KAZN: variants seen among roughly 807,000 people sequenced by gnomAD.
The protein encoded by KAZN is kazrin.
KAZN carries 40 observed loss-of-function variants against 87.4 expected under a neutral mutation model. The ratio of observed to expected loss-of-function variants is 0.46; its 90% CI spans 0.36 to 0.60. KAZN has a LOEUF of 0.60. KAZN is among the 20% of genes least tolerant of loss of function. The probability of loss-of-function intolerance (pLI) is 0.00; values close to 1 mark genes in which losing one functional copy is unlikely to be tolerated. For synonymous variants in KAZN, 466 were observed against 458.3 expected (o/e 1.02, Z -0.22); for missense variants, 898 against 1,073.9 (o/e 0.84, Z 2.29).
At chr1:14,404,415 G>A (rs1409250246) in intron 2 of KAZN, among the ~76,000 whole-genome samples, 1 of 152,076 alleles carries the variant, frequency 6.6e-6, no homozygotes. Flanking sequence ...ATTCCACTGC[G>A]GACTCTGTTG....
chr1:14,600,145 C>T (rs1191417753), intron 1 of KAZN, among the ~76,000 whole-genome samples: 1 of 151,940 alleles, frequency 6.6e-6, no homozygotes, highest in Non-Finnish European at 1.5e-5. Flanking sequence ...GAAACAGTAT[C>T]ACTGGTTATT....
chr1:14,700,632 C>T lies in KAZN; in HGVS notation c.226+101409C>T, dbSNP rs190579544. On this transcript the variant is annotated intron_variant, in intron 1 of 14. Coordinates refer to ENST00000376030, the MANE Select transcript of KAZN (RefSeq NM_201628.3). Reference sequence around the variant, plus strand: ...AGTGACAAATGTGTCCACACACCCACCTTCTGCTTGAAAATGTCAGTGGCA... The same window carrying T: ...AGTGACAAATGTGTCCACACACCCATCTTCTGCTTGAAAATGTCAGTGGCA... 5.3e-5 allele frequency among the ~76,000 whole-genome samples: 8 copies of T among 152,222 alleles called. No homozygotes were observed. In the East Asian group the frequency reaches 9.7e-4, roughly 18 times the overall value.
intron 1 of KAZN, among the ~76,000 whole-genome samples, chr1:14,875,025 G>A (rs1216533501): frequency 6.6e-6 from 1 of 152,052 alleles, no homozygotes; most frequent in Non-Finnish European, 1.5e-5. Context: ...ATGAGGAAAG[G>A]TCTCAGATAT....
chr1:14,680,641 T>G (rs998211041), intron 1 of KAZN, among the ~76,000 whole-genome samples: 13 of 151,912 alleles, frequency 8.6e-5, no homozygotes, highest in Admixed American at 8.5e-4. Flanking sequence ...GGCCCCGGTG[T>G]GTGATGTTCC....
intron 2 of KAZN, among the ~76,000 whole-genome samples, chr1:14,529,551 T>C (rs947651929): frequency 5.9e-5 from 9 of 152,164 alleles, no homozygotes; most frequent in African/African-American, 2.2e-4. Context: ...ACCAAGCATG[T>C]TGGATTCAGA....
intron 2 of KAZN, among the ~76,000 whole-genome samples, chr1:14,436,183 C>T (rs769394429): frequency 1.6e-4 from 25 of 151,710 alleles, no homozygotes; most frequent in Non-Finnish European, 2.4e-4. Flanking sequence ...GAGCCGAGAT[C>T]GCGCCATTGC....
intron 1 of KAZN, among the ~76,000 whole-genome samples, chr1:14,032,158 A>G (rs1641355956): frequency 6.6e-6 from 1 of 152,024 alleles, no homozygotes. Context: ...CTCCCTTCTG[A>G]TCTGTTTAAT....
intron 1 of KAZN, among the ~76,000 whole-genome samples, chr1:14,845,006 T>C (rs898462611): frequency 2.0e-5 from 3 of 150,538 alleles, no homozygotes; most frequent in South Asian, 2.1e-4. Flanking sequence ...AATAAATGAG[T>C]AGTGGATAGA....
chr1:14,598,924 T>G lies in KAZN; in HGVS notation c.-74T>G, dbSNP rs1376680374. ...AGGACACAACAGGTAGAGCCGGGGG[T>G]GCCCGGCCGCGCGCCCCCCGCGCAT... On this transcript the variant is annotated 5_prime_UTR_variant, in exon 1 of 15. Coordinates refer to ENST00000376030, the MANE Select transcript of KAZN (RefSeq NM_201628.3). This position sits in a 1 kb window ranked among gnomAD's most constrained non-coding sequence, Gnocchi z 4.2. The G allele has an allele frequency of 4.5e-6, 7 of 1,550,876 alleles. No homozygotes were observed. The East Asian group carries it at 1.6e-4, about 36-fold the overall frequency.
intron 1 of KAZN, among the ~76,000 whole-genome samples, chr1:14,022,961 T>A (rs961793917): frequency 6.6e-6 from 1 of 152,122 alleles, no homozygotes; most frequent in Non-Finnish European, 1.5e-5. Context: ...CCCTTATAAA[T>A]GGAATACTAT....
chr1:13,893,436 C>G (rs1638913223), exon 1 of KAZN: 1 of 558,270 alleles, frequency 1.8e-6, no homozygotes, highest in East Asian at 3.4e-5. Flanking sequence ...GCAAGATTTG[C>G]CAAGGCTTAT....
At chr1:13,943,468 A>T (rs902493337) in intron 1 of KAZN, among the ~76,000 whole-genome samples, 3 of 152,126 alleles carry the variant, frequency 2.0e-5, no homozygotes, top group Non-Finnish European at 4.4e-5. Flanking sequence ...TAAAAAAAAT[A>T]ATAACCACCT....
At chr1:14,831,387 C>T (rs935279619) in intron 1 of KAZN, among the ~76,000 whole-genome samples, 15 of 152,166 alleles carry the variant, frequency 9.9e-5, no homozygotes, top group East Asian at 1.9e-4. Flanking sequence ...GAAAGTGGGA[C>T]GCCTCCCTTC....
intron 1 of KAZN, among the ~76,000 whole-genome samples, chr1:14,619,048 TG>T (rs1678482056): frequency 6.6e-6 from 1 of 152,110 alleles, no homozygotes; most frequent in African/African-American, 2.4e-5. Flanking sequence ...GCTCAAGATC[TG>T]GGTGGGATGG....
chr1:14,477,845 T>C (rs1571747415), intron 2 of KAZN, among the ~76,000 whole-genome samples: 1 of 152,174 alleles, frequency 6.6e-6, no homozygotes, highest in East Asian at 1.9e-4. Flanking sequence ...AAAGAGGAGA[T>C]GAATGGGGCC....
chr1:14,871,620 A>G (rs932554764), intron 1 of KAZN, among the ~76,000 whole-genome samples: 1 of 150,900 alleles, frequency 6.6e-6, no homozygotes, highest in East Asian at 2.0e-4. Context: ...TATCACCTGC[A>G]GTGAGCCTGA....
At chr1:14,229,485 G>A (rs1647606121) in intron 2 of KAZN, among the ~76,000 whole-genome samples, 1 of 152,188 alleles carries the variant, frequency 6.6e-6, no homozygotes, top group South Asian at 2.1e-4. Flanking sequence ...TCATATTGGT[G>A]AGGAGAAATG....
At chr1:14,840,237 A>G (rs1267456302) in intron 1 of KAZN, among the ~76,000 whole-genome samples, 6 of 152,192 alleles carry the variant, frequency 3.9e-5, no homozygotes, top group Admixed American at 2.6e-4. Context: ...TTTAAATAAT[A>G]GCCATTGAAA....
At chr1:14,615,913 T>A (rs141881519) in intron 1 of KAZN, among the ~76,000 whole-genome samples, 1 of 152,202 alleles carries the variant, frequency 6.6e-6, no homozygotes, top group African/African-American at 2.4e-5. Context: ...CTTAAAAAAT[T>A]TCTTAAAGGA....
Sources: allele counts gnomAD v4.1 joint callset (sites outside exome capture counted in the v4.1 genomes callset), GRCh38; gene constraint gnomAD v4.1.1; non-coding constraint Gnocchi (gnomAD v3.1); transcripts MANE v1.5; gene names NCBI Gene and HGNC (gene_info 2026-07-23, HGNC 2026-07-21).